MAN1A1: variants seen among roughly 807,000 people sequenced by gnomAD.
MAN1A1 encodes mannosidase alpha class 1A member 1.
A neutral mutation model predicts 70.8 loss-of-function variants in MAN1A1; 29 were observed. That is an observed-to-expected ratio of 0.41 (90% confidence interval 0.31 to 0.56). The LOEUF (loss-of-function observed/expected upper bound fraction) is 0.56, where lower values mean the gene tolerates loss of function less well. Ranked by LOEUF, MAN1A1 falls within the 20% of genes least tolerant of loss-of-function variation. The probability of loss-of-function intolerance (pLI) is 0.29; values close to 1 mark genes in which losing one functional copy is unlikely to be tolerated. For synonymous variants in MAN1A1, 349 were observed against 330.1 expected, an observed-to-expected ratio of 1.06 and a Z score of -0.62; for missense variants, 747 against 841.3, an observed-to-expected ratio of 0.89 and a Z score of 1.39.
intron 2 of MAN1A1, among the ~76,000 whole-genome samples, chr6:119,345,485 A>G (rs774087016): frequency 6.6e-5 from 10 of 152,352 alleles, no homozygotes; most frequent in Non-Finnish European, 1.5e-4. Context: ...GAAGTTTTAC[A>G]TCAAAGATTC....
Position 119,290,594 on chromosome 6 carries a change from C to T in MAN1A1, c.897+89G>A, listed in dbSNP as rs189599080. On this transcript the variant is annotated intron_variant, in intron 5 of 12. Transcript: ENST00000368468. ...AATATAAAAATTCCATAGATTCCTT[C>T]TAAATATATGTCACGAATGGCATAT... 2.7e-4 allele frequency: 228 copies of T among 849,966 alleles called. 2 individuals carry two copies. The African/African-American group carries it at 3.4e-3, about 13-fold the overall frequency. 52.7% of individuals were successfully genotyped at this position (849,966 alleles called of 1,614,324 possible).
At chr6:119,323,434 A>G (rs937874582) in intron 2 of MAN1A1, among the ~76,000 whole-genome samples, 1 of 152,252 alleles carries the variant, frequency 6.6e-6, no homozygotes, top group Non-Finnish European at 1.5e-5. Flanking sequence ...TTTTTAACCA[A>G]TACTTAGCAA....
chr6:119,341,343 T>G (rs1486944294), intron 2 of MAN1A1, among the ~76,000 whole-genome samples: 2 of 152,162 alleles, frequency 1.3e-5, no homozygotes, highest in Non-Finnish European at 1.5e-5. Flanking sequence ...GGCCTGCCAT[T>G]TAGGGCTGAG....
chr6:119,343,075 T>C (rs1280821255), intron 2 of MAN1A1, among the ~76,000 whole-genome samples: 1 of 151,912 alleles, frequency 6.6e-6, no homozygotes, highest in Non-Finnish European at 1.5e-5. Context: ...ACCATGCCAC[T>C]GGTAAGATTT....
intron 9 of MAN1A1, among the ~76,000 whole-genome samples, chr6:119,190,644 A>G (rs899068544): frequency 1.3e-5 from 2 of 152,338 alleles, no homozygotes; most frequent in Admixed American, 1.3e-4. Flanking sequence ...TCTATTAAAA[A>G]GCACACTATT....
At chr6:119,335,992 C>CT (rs1773440151) in intron 2 of MAN1A1, among the ~76,000 whole-genome samples, 1 of 152,214 alleles carries the variant, frequency 6.6e-6, no homozygotes. Context: ...TCAGTATCAC[C>CT]TAGCAACATG....
chr6:119,327,784 T>C (rs1036095955), intron 2 of MAN1A1, among the ~76,000 whole-genome samples: 4 of 152,158 alleles, frequency 2.6e-5, no homozygotes, highest in Non-Finnish European at 4.4e-5. Context: ...TGGTTACATA[T>C]TTTGAAATGT....
rs780074254 is a variant in MAN1A1 at position 119,189,757 on chromosome 6, C to T, written c.1453G>A (p.Gly485Arg). ...ATGCCTTCGGGAGCTGCATCAGCCC[C>T]GAGTGCGAACATGCCCCCCGCGAAG... ...TCFAGGMFAL[G>R]ADAAPEGMAQ... Residue 485 changes from glycine (G) to arginine (R), a missense_variant, in exon 10 of 13, where the codon GGG becomes AGG. Coordinates refer to ENST00000368468, the MANE Select transcript of MAN1A1 (RefSeq NM_005907.4). 3 of 1,614,120 alleles carry T rather than the reference C, an allele frequency of 1.9e-6. No homozygotes were observed. Among genetic ancestry groups the T allele is most frequent in the Middle Eastern group, 1.6e-4 (1 of 6,062 alleles).
intron 3 of MAN1A1, among the ~76,000 whole-genome samples, chr6:119,302,789 T>C (rs1449489341): frequency 1.3e-5 from 2 of 152,174 alleles, no homozygotes; most frequent in African/African-American, 4.8e-5. Context: ...ACTTTAAATA[T>C]AATTAGATCT....
At chr6:119,306,768 A>G (rs1203522506) in intron 3 of MAN1A1, 128 bp downstream of exon 3, 1 of 683,784 alleles carries the variant, frequency 1.5e-6, no homozygotes, top group African/African-American at 1.8e-5. Flanking sequence ...ATCTAATTCC[A>G]TCAGGTGTGC....
chr6:119,317,807 T>C (rs559391695), intron 2 of MAN1A1, among the ~76,000 whole-genome samples: 57 of 152,202 alleles, frequency 3.7e-4, no homozygotes, highest in African/African-American at 1.3e-3. Context: ...CTGTAAGTTA[T>C]TATTATTTGA....
intron 5 of MAN1A1, among the ~76,000 whole-genome samples, chr6:119,261,088 T>A (rs2104361): frequency 2.0e-5 from 3 of 150,414 alleles, no homozygotes; most frequent in African/African-American, 7.3e-5. Context: ...ATGCCATTCT[T>A]CTGCCTCAGC....
At chr6:119,235,331 G>A (rs1276772006) in intron 6 of MAN1A1, among the ~76,000 whole-genome samples, 2 of 152,176 alleles carry the variant, frequency 1.3e-5, no homozygotes, top group African/African-American at 2.4e-5. Context: ...AAGCTCCAGC[G>A]AAATCATGAA....
At chr6:119,232,172 A>T (rs1379499549) in intron 6 of MAN1A1, among the ~76,000 whole-genome samples, 5 of 152,088 alleles carry the variant, frequency 3.3e-5, no homozygotes, top group African/African-American at 1.2e-4. Context: ...GGAGATCGAG[A>T]CCATCCTGGC....
intron 4 of MAN1A1, among the ~76,000 whole-genome samples, chr6:119,300,278 C>G (rs999956873): frequency 2.0e-5 from 3 of 149,106 alleles, no homozygotes; most frequent in African/African-American, 7.4e-5. Flanking sequence ...TTTTTTGAGA[C>G]GGCGTCTTGC....
At chr6:119,289,606 GAAC>G (rs943564241) in intron 5 of MAN1A1, among the ~76,000 whole-genome samples, 3 of 151,728 alleles carry the variant, frequency 2.0e-5, no homozygotes, top group South Asian at 4.2e-4. Context: ...AGTTCACAAT[GAAC>G]AACATTTAAC....
chr6:119,179,846 T>G lies in MAN1A1; in HGVS notation c.1935A>C (p.Lys645Asn). The G allele has an allele frequency of 2.5e-6, 4 of 1,613,100 alleles. No individual in the cohort carries two copies. Among genetic ancestry groups the G allele is most frequent in the Non-Finnish European group, 3.4e-6 (4 of 1,179,126 alleles). ...AHLLPILPKD[K>N]KEVEIREE is the part of the protein sequence containing the mutation. Reference sequence around the variant, plus strand: ...ATTCCTCTCTGATTTCAACTTCCTTTTTATCTTTAGGGAGGATAGGGAGAA... The same window carrying G: ...ATTCCTCTCTGATTTCAACTTCCTTGTTATCTTTAGGGAGGATAGGGAGAA... Residue 645 changes from lysine to asparagine, a missense_variant, in exon 13 of 13, where the codon AAA becomes AAC. By Grantham distance (94) the Lys-to-Asn change is moderately conservative (BLOSUM62 0). Coordinates refer to ENST00000368468, the MANE Select transcript of MAN1A1 (RefSeq NM_005907.4).
At chr6:119,312,779 G>C (rs1463249428) in intron 2 of MAN1A1, among the ~76,000 whole-genome samples, 1 of 152,182 alleles carries the variant, frequency 6.6e-6, no homozygotes, top group Non-Finnish European at 1.5e-5. Flanking sequence ...CACCACTGTG[G>C]GTTGAGGTGC....
intron 2 of MAN1A1, among the ~76,000 whole-genome samples, chr6:119,318,189 T>C (rs1214259439): frequency 6.6e-6 from 1 of 152,208 alleles, no homozygotes; most frequent in East Asian, 1.9e-4. Flanking sequence ...AAAAATGTAT[T>C]TTCTTATCAT....
Sources: allele counts gnomAD v4.1 joint callset (sites outside exome capture counted in the v4.1 genomes callset), GRCh38; gene constraint gnomAD v4.1.1; transcripts MANE v1.5; gene names NCBI Gene and HGNC (gene_info 2026-07-23, HGNC 2026-07-21).